The following DERA variants were observed in gnomAD, a reference collection of about 807,000 sequenced individuals.
DERA encodes deoxyribose-phosphate aldolase, also known as 2-deoxy-D-ribose 5-phosphate aldolase.
DERA carries 15 observed loss-of-function variants against 41.1 expected under a neutral mutation model. The observed-to-expected ratio is 0.37, with a 90% CI of 0.24 to 0.56. DERA has a LOEUF of 0.56. Ranked by LOEUF, DERA falls within the 20% of genes least tolerant of loss-of-function variation. The pLI is 0.81. For missense variants in DERA, 396 were observed against 403.4 expected (o/e 0.98, Z 0.16); for synonymous variants, 139 against 137.4 (o/e 1.01, Z -0.08).
chr12:15,926,629 G>A (rs1318282190), intron 1 of DERA, among the ~76,000 whole-genome samples: 2 of 151,988 alleles, frequency 1.3e-5, no homozygotes, highest in Non-Finnish European at 2.9e-5. Flanking sequence ...CCAGCTACTC[G>A]GGAGGCTGAG....
In DERA at chr12:15,965,611, A is replaced by T. The variant is rs1295438475; in HGVS notation, c.508+2664A>T. On this transcript the variant is annotated intron_variant, in intron 5 of 8. Coordinates refer to ENST00000428559, the MANE Select transcript of DERA (RefSeq NM_015954.4). The surrounding 1 kb of genome is among the most constrained non-coding windows in gnomAD (Gnocchi z 4.1). ...CAGTTTAGGGTATGAATTCGAGGAG[A>T]CTGGAGTTTGGGGGTGGGGGAGGTT... is the stretch of plus-strand genomic sequence containing the variant. Among the ~76,000 whole-genome samples, 3 of 151,978 alleles carry T rather than the reference A, an allele frequency of 2.0e-5. No homozygotes were observed. The highest frequency in any genetic ancestry group is 4.4e-5 in the Non-Finnish European group (3 of 67,984).
chr12:15,914,249 G>A (rs1948183636), intron 1 of DERA, among the ~76,000 whole-genome samples: 1 of 152,150 alleles, frequency 6.6e-6, no homozygotes. Flanking sequence ...GGGCATAGTG[G>A]CGCATGCCTG....
Position 16,008,001 on chromosome 12 carries a change from C to A in DERA, c.638-24541C>A, listed in dbSNP as rs899427064. 3.4e-4 allele frequency among the ~76,000 whole-genome samples: 51 copies of A among 152,218 alleles called. No homozygotes were observed. The highest frequency in any genetic ancestry group is 6.2e-4 in the Non-Finnish European group (42 of 67,992). ...TAGTAGCTGAGATTACAGGTGTGTG[C>A]CACTGTGTGCCCGGCTAATTTTTGT... On this transcript the variant is annotated intron_variant, in intron 6 of 8. Coordinates refer to ENST00000428559, the MANE Select transcript of DERA (RefSeq NM_015954.4). The surrounding 1 kb of genome is among the most constrained non-coding windows in gnomAD (Gnocchi z 4.8).
chr12:15,984,753 A>G lies in DERA; in HGVS notation c.637+2317A>G, dbSNP rs1188564537. On this transcript the variant is annotated intron_variant, in intron 6 of 8. Transcript: ENST00000428559. This position sits in a 1 kb window ranked among gnomAD's most constrained non-coding sequence, Gnocchi z 4.5. ...TTTGTGAGGCATAATATATGAAAGC[A>G]TGTAGCATACTTCCTGGCCTATAGT... Among the ~76,000 whole-genome samples the G allele has an allele frequency of 2.0e-5, 3 of 152,228 alleles. No homozygotes were observed. In the East Asian group the frequency reaches 5.8e-4, roughly 29 times the overall value.
At chr12:16,007,225 G>A (rs983949035) in intron 6 of DERA, among the ~76,000 whole-genome samples, 5 of 141,430 alleles carry the variant, frequency 3.5e-5, no homozygotes, top group African/African-American at 5.3e-5. Context: ...ACCCTGTTGC[G>A]CAGGCTGAAG....
chr12:15,936,184 G>C lies in DERA; in HGVS notation c.32-20752G>C, dbSNP rs1948362977. Among the ~76,000 whole-genome samples, 1 of 152,178 alleles carries C rather than the reference G, an allele frequency of 6.6e-6. No homozygotes were observed. Among genetic ancestry groups the C allele is most frequent in the African/African-American group, 2.4e-5 (1 of 41,428 alleles). On this transcript the variant is annotated intron_variant, in intron 1 of 8. Transcript: ENST00000428559. The surrounding 1 kb of genome is among the most constrained non-coding windows in gnomAD (Gnocchi z 4.6). ...AGGTCAGCTCTGTTAATTATGGAAG[G>C]GGCATGAATACTAGGAGGAGAGAAT...
Position 15,982,274 on chromosome 12 carries a change from G to T in DERA, c.509-34G>T. ...TGCCAAGTTATGTTATCACTTGCCT[G>T]CTTTGTAACTGCCTCAATTATTTTC... On this transcript the variant is annotated intron_variant, in intron 5 of 8. Transcript: ENST00000428559. This position sits in a 1 kb window ranked among gnomAD's most constrained non-coding sequence, Gnocchi z 4.0. The T allele has an allele frequency of 6.3e-7, 1 of 1,598,840 alleles. No homozygotes were observed. The highest frequency in any genetic ancestry group is 8.5e-7 in the Non-Finnish European group (1 of 1,174,522).
chr12:16,000,601 C>CTGCAA lies in DERA; in HGVS notation c.637+18168_637+18169insAATGC, dbSNP rs1948868414. ...AAAGTAAGTTTCCTATGTTACGCGG[C>CTGCAA]TGCTAAATTGGCCAGGGACAACGGA... is the stretch of plus-strand genomic sequence containing the variant. On this transcript the variant is annotated intron_variant, in intron 6 of 8. Coordinates refer to ENST00000428559, the MANE Select transcript of DERA (RefSeq NM_015954.4). This position sits in a 1 kb window ranked among gnomAD's most constrained non-coding sequence, Gnocchi z 4.8. Among the ~76,000 whole-genome samples the CTGCAA allele has an allele frequency of 6.6e-6, 1 of 152,156 alleles. No individual in the cohort carries two copies. Among genetic ancestry groups the CTGCAA allele is most frequent in the African/African-American group, 2.4e-5 (1 of 41,436 alleles).
rs529174039 is a variant in DERA, at chr12:16,021,502, T to C, written c.638-11040T>C. ...ACTAAGGCAGTGCTGAAGGGAAATG[T>C]AGGGTGGAGCCCACACAGAGTCTCC... On this transcript the variant is annotated intron_variant, in intron 6 of 8. Transcript: ENST00000428559. The surrounding 1 kb of genome is among the most constrained non-coding windows in gnomAD (Gnocchi z 5.3). Among the ~76,000 whole-genome samples, 2 of 152,300 alleles carry C rather than the reference T, an allele frequency of 1.3e-5. No homozygotes were observed. The highest frequency in any genetic ancestry group is 4.1e-4 in the South Asian group (2 of 4,828).
chr12:16,005,721 T>A (rs568013555), intron 6 of DERA, among the ~76,000 whole-genome samples: 1 of 152,314 alleles, frequency 6.6e-6, no homozygotes, highest in African/African-American at 2.4e-5. Flanking sequence ...TTGGATAAAT[T>A]CATCATACCA....
chr12:15,959,060 G>T lies in DERA; in HGVS notation c.277+725G>T, dbSNP rs778362477. Among the ~76,000 whole-genome samples the T allele has an allele frequency of 3.9e-5, 6 of 152,098 alleles. No homozygotes were observed. Among genetic ancestry groups the T allele is most frequent in the Non-Finnish European group, 8.8e-5 (6 of 68,024 alleles). ...TGGCCCCCGAGTGCCTATCTGCTGT[G>T]AGTGCAACTGGAGACGTTGAATTGG... On this transcript the variant is annotated intron_variant, in intron 3 of 8. Transcript: ENST00000428559. This position sits in a 1 kb window ranked among gnomAD's most constrained non-coding sequence, Gnocchi z 4.5.
chr12:15,942,938 C>A lies in DERA; in HGVS notation c.32-13998C>A, dbSNP rs118150825. ...ATAAACCAGGCTTGTCTTGGGCAAC[C>A]CAGGATGAGGTGGTCACTCTAGTGA... On this transcript the variant is annotated intron_variant, in intron 1 of 8. Coordinates refer to ENST00000428559, the MANE Select transcript of DERA (RefSeq NM_015954.4). Among the ~76,000 whole-genome samples the A allele has an allele frequency of 2.2e-4, 33 of 152,228 alleles. No homozygotes were observed. The East Asian group carries it at 6.4e-3, about 29-fold the overall frequency.
At position 15,913,675 on chromosome 12, in the gene DERA, A is replaced by C. The variant is rs569404557; in HGVS notation, c.31+2261A>C. Among the ~76,000 whole-genome samples, 100 of 152,204 alleles carry C rather than the reference A, an allele frequency of 6.6e-4. No individual in the cohort carries two copies. The highest frequency in any genetic ancestry group is 1.0e-3 in the South Asian group (5 of 4,822). ...ACTTCTAGTTCATGGACTTAAAAAA[A>C]CATTGAGTTCCTTTGAGACTAAACC... On this transcript the variant is annotated intron_variant, in intron 1 of 8. Coordinates refer to ENST00000428559, the MANE Select transcript of DERA (RefSeq NM_015954.4). This position sits in a 1 kb window ranked among gnomAD's most constrained non-coding sequence, Gnocchi z 4.5.
At position 16,019,227 on chromosome 12, in the gene DERA, T is replaced by C. The variant is rs538050763; in HGVS notation, c.638-13315T>C. 5.3e-5 allele frequency among the ~76,000 whole-genome samples: 8 copies of C among 152,338 alleles called. No individual in the cohort carries two copies. In the South Asian group the frequency reaches 1.7e-3, roughly 32 times the overall value. On this transcript the variant is annotated intron_variant, in intron 6 of 8. Coordinates refer to ENST00000428559, the MANE Select transcript of DERA (RefSeq NM_015954.4). This position sits in a 1 kb window ranked among gnomAD's most constrained non-coding sequence, Gnocchi z 4.4. ...TTTTCTTTTGACAGCAGTAAAGTAA[T>C]GATGTACTTTCTAAAATATTTTGTG...
chr12:15,936,789 G>A lies in DERA; in HGVS notation c.32-20147G>A, dbSNP rs1342726707. 1.3e-5 allele frequency among the ~76,000 whole-genome samples: 2 copies of A among 151,694 alleles called. No homozygotes were observed. The highest frequency in any genetic ancestry group is 2.4e-5 in the African/African-American group (1 of 41,248). Reference sequence around the variant, plus strand: ...TTTTGTGTAGATTGTCTCACCACCCGGATTTGTCTGATTATTTTCTAGTGA... The same window carrying A: ...TTTTGTGTAGATTGTCTCACCACCCAGATTTGTCTGATTATTTTCTAGTGA... On this transcript the variant is annotated intron_variant, in intron 1 of 8. Transcript: ENST00000428559. This position sits in a 1 kb window ranked among gnomAD's most constrained non-coding sequence, Gnocchi z 4.6.
In DERA at chr12:16,010,109, G is replaced by T. The variant is rs1948937594; in HGVS notation, c.638-22433G>T. ...TTTCCATTTAAGAGTTTTAGTAAAG[G>T]AAGCCAAGCCCTTCTGCTGTGAGGG... On this transcript the variant is annotated intron_variant, in intron 6 of 8. Coordinates refer to ENST00000428559, the MANE Select transcript of DERA (RefSeq NM_015954.4). The surrounding 1 kb of genome is among the most constrained non-coding windows in gnomAD (Gnocchi z 5.5). 6.6e-6 allele frequency among the ~76,000 whole-genome samples: 1 copy of T among 152,152 alleles called. No homozygotes were observed. The highest frequency in any genetic ancestry group is 1.5e-5 in the Non-Finnish European group (1 of 68,034).
In DERA at chr12:15,924,475, A is replaced by G. The variant is rs115558973; in HGVS notation, c.31+13061A>G. 9.3e-3 allele frequency among the ~76,000 whole-genome samples: 1,423 copies of G among 152,310 alleles called. 24 individuals carry two copies. Among genetic ancestry groups the G allele is most frequent in the African/African-American group, 0.033 (1,360 of 41,558 alleles). On this transcript the variant is annotated intron_variant, in intron 1 of 8. Transcript: ENST00000428559. The surrounding 1 kb of genome is among the most constrained non-coding windows in gnomAD (Gnocchi z 5.0). ...TTTTCACTGTAGAGATTACAAATAC[A>G]ATATTCTAGAAATAACTTGGGTTTT...
intron 5 of DERA, among the ~76,000 whole-genome samples, chr12:15,980,424 G>C (rs1948725032): frequency 2.0e-5 from 3 of 152,310 alleles, no homozygotes; most frequent in South Asian, 4.1e-4. Context: ...TGGATTTTTA[G>C]ATCAGAAGAT....
chr12:16,036,609 A>T lies in DERA; in HGVS notation c.901-81A>T. ...AATGAAATGTTCATTAAAACTATTT[A>T]TTATTATTTGATAGTATAATTATTA... On this transcript the variant is annotated intron_variant, in intron 8 of 8. Coordinates refer to ENST00000428559, the MANE Select transcript of DERA (RefSeq NM_015954.4). The surrounding 1 kb of genome is among the most constrained non-coding windows in gnomAD (Gnocchi z 4.9). 2 of 1,119,526 alleles carry T rather than the reference A, an allele frequency of 1.8e-6. No individual in the cohort carries two copies. The highest frequency in any genetic ancestry group is 2.6e-6 in the Non-Finnish European group (2 of 770,080). 69.3% of individuals were successfully genotyped at this position (1,119,526 alleles called of 1,614,324 possible).
Sources: allele counts gnomAD v4.1 joint callset (sites outside exome capture counted in the v4.1 genomes callset), GRCh38; gene constraint gnomAD v4.1.1; non-coding constraint Gnocchi (gnomAD v3.1); transcripts MANE v1.5; gene names NCBI Gene and HGNC (gene_info 2026-07-23, HGNC 2026-07-21).